The following WDR72 variants were observed in gnomAD, a reference collection of about 807,000 sequenced individuals.
WDR72 encodes WD repeat-containing protein 72.
Under a neutral mutation model 124.2 loss-of-function variants are expected in WDR72, and 120 were observed. The observed-to-expected ratio is 0.97, with a 90% confidence interval of 0.83 to 1.12. The LOEUF (loss-of-function observed/expected upper bound fraction) is 1.12. WDR72 is among the 50% of genes most tolerant of loss of function. The probability of loss-of-function intolerance (pLI) is 0.00; values close to 1 mark genes in which losing one functional copy is unlikely to be tolerated. For missense variants in WDR72, 1,387 were observed against 1,278.8 expected, an observed-to-expected ratio of 1.08 and a Z score of -1.29; for synonymous variants, 452 against 441.7, an observed-to-expected ratio of 1.02 and a Z score of -0.29.
chr15:53,639,480 TTATATAATTTTATTTATTTATAAAATTA>T lies in WDR72; in HGVS notation c.1963-23265_1963-23238del, dbSNP rs1260290439. Among the ~76,000 whole-genome samples, 700 of 70,938 alleles carry T rather than the reference TTATATAATTTTATTTATTTATAAAATTA, an allele frequency of 9.9e-3. 7 individuals carry two copies. The highest frequency in any genetic ancestry group is 0.031 in the East Asian group (48 of 1,566). The allele number at this position is 70,938 out of a possible 152,430, so 46.5% of individuals were successfully genotyped here. On this transcript the variant is annotated intron_variant, in intron 14 of 19. Coordinates refer to ENST00000360509, the MANE Select transcript of WDR72 (RefSeq NM_182758.4). ...ATTAAAAATTATATAAAATAAAATTTTATATAATTTTATTTATTTATAAAATTATATATAATTTTATTTATTTATAAAA... is the reference window on the plus strand; with the variant it reads ...ATTAAAAATTATATAAAATAAAATTTTATATAATTTTATTTATTTATAAAA...
intron 14 of WDR72, among the ~76,000 whole-genome samples, chr15:53,621,430 G>GATATATATATATATATATATATATATAT (rs57355125): frequency 9.6e-5 from 12 of 124,372 alleles, no homozygotes; most frequent in African/African-American, 4.0e-4. Context: ...AAGAAACTGT[G>GATATATATATATATATATATATATATAT]ATATATATAT....
At chr15:53,713,133 C>T (rs529030708) in intron 6 of WDR72, among the ~76,000 whole-genome samples, 3 of 147,388 alleles carry the variant, frequency 2.0e-5, no homozygotes, top group East Asian at 2.0e-4. Flanking sequence ...AACAAACCTG[C>T]GTATGTACTC....
chr15:53,673,711 C>T (rs138564315), intron 13 of WDR72, among the ~76,000 whole-genome samples: 139 of 152,160 alleles, frequency 9.1e-4, no homozygotes, highest in African/African-American at 3.2e-3. Context: ...CATATAGGGC[C>T]GGGTGCAGTG....
At position 53,621,430 on chromosome 15, in the gene WDR72, GATATAT is replaced by G. The variant is rs57355125; in HGVS notation, c.1963-5193_1963-5188del. ...ATCAATGAGTGGATAAAGAAACTGT[GATATAT>G]ATATATATATATATATATATATGAT... On this transcript the variant is annotated intron_variant, in intron 14 of 19. Transcript: ENST00000360509. 3.0e-4 allele frequency among the ~76,000 whole-genome samples: 37 copies of G among 124,374 alleles called. 2 individuals carry two copies. The highest frequency in any genetic ancestry group is 1.3e-3 in the African/African-American group (36 of 27,636). 81.6% of individuals were successfully genotyped at this position (124,374 alleles called of 152,430 possible).
chr15:53,532,001 A>G (rs1892501000), intron 18 of WDR72, among the ~76,000 whole-genome samples: 2 of 152,128 alleles, frequency 1.3e-5, no homozygotes, highest in Non-Finnish European at 2.9e-5. Context: ...TACACATTTG[A>G]GTAAAGTTTG....
At chr15:53,756,227 G>A (rs1254542035) in intron 1 of WDR72, among the ~76,000 whole-genome samples, 3 of 152,114 alleles carry the variant, frequency 2.0e-5, no homozygotes, top group African/African-American at 4.8e-5. Flanking sequence ...AAGGTCTCGC[G>A]AGATCTGATG....
At chr15:53,548,322 A>G (rs1893577485) in intron 18 of WDR72, among the ~76,000 whole-genome samples, 2 of 152,238 alleles carry the variant, frequency 1.3e-5, no homozygotes, top group Admixed American at 1.3e-4. Context: ...CAGTGCCACC[A>G]TGCTCCTACA....
intron 18 of WDR72, among the ~76,000 whole-genome samples, chr15:53,562,872 T>C (rs1894172132): frequency 1.3e-5 from 2 of 151,732 alleles, no homozygotes; most frequent in African/African-American, 4.8e-5. Flanking sequence ...GTTTAGAAAA[T>C]AAATGAGCAA....
intron 18 of WDR72, among the ~76,000 whole-genome samples, chr15:53,543,416 G>A (rs530596088): frequency 2.6e-5 from 4 of 152,092 alleles, no homozygotes; most frequent in Non-Finnish European, 5.9e-5. Context: ...AGAAAATGAA[G>A]GTAGAAAGGA....
Position 53,759,643 on chromosome 15 carries a change from G to A in WDR72, c.-23C>T. ...GGGTGCCTGCCTTACCTGAGCCGTGGGGCGGAGGAGCGGCAGAGGCCAGGC... is the reference window on the plus strand; with the variant it reads ...GGGTGCCTGCCTTACCTGAGCCGTGAGGCGGAGGAGCGGCAGAGGCCAGGC... On this transcript the variant is annotated 5_prime_UTR_variant, in exon 1 of 20. Coordinates refer to ENST00000360509, the MANE Select transcript of WDR72 (RefSeq NM_182758.4). 1 of 152,502 alleles carries A rather than the reference G, an allele frequency of 6.6e-6. No individual in the cohort carries two copies. Among genetic ancestry groups the A allele is most frequent in the Non-Finnish European group, 1.5e-5 (1 of 68,184 alleles). The allele number at this position is 152,502 out of a possible 1,614,324, so 9.4% of individuals were successfully genotyped here.
chr15:53,600,961 A>G (rs1292334310), intron 17 of WDR72, among the ~76,000 whole-genome samples: 3 of 152,198 alleles, frequency 2.0e-5, no homozygotes, highest in Admixed American at 2.0e-4. Flanking sequence ...TCTCTAGACA[A>G]ACTTATTCAT....
At chr15:53,683,976 T>A (rs1332649468) in intron 13 of WDR72, among the ~76,000 whole-genome samples, 3 of 152,180 alleles carry the variant, frequency 2.0e-5, no homozygotes, top group Non-Finnish European at 4.4e-5. Flanking sequence ...GAACCCTTTT[T>A]TTCCAATAAT....
intron 2 of WDR72, among the ~76,000 whole-genome samples, chr15:53,725,993 A>T (rs2018012856): frequency 6.6e-6 from 1 of 151,538 alleles, no homozygotes; most frequent in African/African-American, 2.4e-5. Context: ...ATTTGCTTGA[A>T]TCTGGGAGGT....
At chr15:53,628,828 A>C (rs76673250) in intron 14 of WDR72, among the ~76,000 whole-genome samples, 1,775 of 152,224 alleles carry the variant, frequency 0.012, 15 homozygotes, top group Non-Finnish European at 0.019. Flanking sequence ...TTAAAAAAAA[A>C]CTTAAAATGT....
In WDR72 at chr15:53,722,851, C is replaced by A; in HGVS notation, c.211G>T (p.Ala71Ser). Residue 71 changes from alanine (A) to serine (S), a missense_variant, in exon 3 of 20, where the codon GCA (alanine) becomes TCA (serine). Coordinates refer to ENST00000360509, the MANE Select transcript of WDR72 (RefSeq NM_182758.4). ...TAGGGCTGTTTAGAGAAGTCCCTTG[C>A]TCTTGCCAAACATGTTACCGAAGCT... ...HSASVTCLAR[A>S]RDFSKQPYIV... is the part of the protein sequence containing the mutation. The A allele has an allele frequency of 6.2e-7, 1 of 1,612,794 alleles. No homozygotes were observed. The highest frequency in any genetic ancestry group is 8.5e-7 in the Non-Finnish European group (1 of 1,180,004).
intron 13 of WDR72, among the ~76,000 whole-genome samples, chr15:53,681,943 T>C (rs2016402782): frequency 6.6e-6 from 1 of 152,034 alleles, no homozygotes; most frequent in African/African-American, 2.4e-5. Flanking sequence ...CTAAAAACAA[T>C]ATAGAAATGT....
At chr15:53,551,262 A>T (rs1893717242) in intron 18 of WDR72, among the ~76,000 whole-genome samples, 2 of 152,184 alleles carry the variant, frequency 1.3e-5, no homozygotes, top group Non-Finnish European at 2.9e-5. Flanking sequence ...AGAGAGGTCA[A>T]ACCACAAGCC....
chr15:53,693,477 T>C (rs1023912701), intron 13 of WDR72, among the ~76,000 whole-genome samples: 2 of 152,218 alleles, frequency 1.3e-5, no homozygotes, highest in African/African-American at 4.8e-5. Context: ...CACTGAATAT[T>C]TTTGAAAAAC....
At chr15:53,698,763 T>C (rs1285550481) in intron 13 of WDR72, among the ~76,000 whole-genome samples, 3 of 152,218 alleles carry the variant, frequency 2.0e-5, no homozygotes, top group Non-Finnish European at 4.4e-5. Flanking sequence ...TTGTACAGTC[T>C]TGTACATTTA....
Sources: allele counts gnomAD v4.1 joint callset (sites outside exome capture counted in the v4.1 genomes callset), GRCh38; gene constraint gnomAD v4.1.1; transcripts MANE v1.5; gene names NCBI Gene and HGNC (gene_info 2026-07-23, HGNC 2026-07-21).